Variants in COMMD2 observed in about 807,000 individuals in gnomAD.
COMMD2 encodes the protein COMM domain containing 2.
In COMMD2, 25 loss-of-function variants were observed where a neutral mutation model predicts 22.5. The observed-to-expected ratio is 1.11, with a 90% CI of 0.81 to 1.55. The LOEUF is 1.55. Ranked by LOEUF, COMMD2 falls within the 40% of genes most tolerant of loss-of-function variation. The pLI is 0.00. For synonymous variants in COMMD2, 98 were observed against 91.2 expected (o/e 1.07, Z -0.42); for missense variants, 223 against 232.9 (o/e 0.96, Z 0.28).
intron 4 of COMMD2, among the ~76,000 whole-genome samples, chr3:149,742,879 C>T (rs7644622): frequency 0.029 from 4,335 of 150,478 alleles, 176 homozygotes; most frequent in African/African-American, 0.091. Context: ...GGCAGGAAAA[C>T]TGCTTGAACC....
At chr3:149,750,590 G>GTTAA in intron 4 of COMMD2, 88 bp downstream of exon 4, 1 of 908,082 alleles carries the variant, frequency 1.1e-6, no homozygotes, top group Non-Finnish European at 1.7e-6. Flanking sequence ...CCGCATCTTA[G>GTTAA]TTAAGGTGGT....
intron 4 of COMMD2, among the ~76,000 whole-genome samples, chr3:149,747,004 A>C (rs1716390058): frequency 6.6e-6 from 1 of 152,108 alleles, no homozygotes; most frequent in Non-Finnish European, 1.5e-5. Context: ...TGCTCCTATG[A>C]CTCAATTATC....
intron 4 of COMMD2, among the ~76,000 whole-genome samples, chr3:149,748,392 T>C (rs1271746144): frequency 1.3e-5 from 2 of 152,180 alleles, no homozygotes; most frequent in African/African-American, 4.8e-5. Flanking sequence ...AAAGAGAATA[T>C]ATAAGACATG....
intron 4 of COMMD2, among the ~76,000 whole-genome samples, chr3:149,745,472 G>A (rs1005671853): frequency 6.6e-6 from 1 of 152,076 alleles, no homozygotes; most frequent in Non-Finnish European, 1.5e-5. Flanking sequence ...CATATCCTGC[G>A]TTCATGCCTA....
intron 4 of COMMD2, among the ~76,000 whole-genome samples, chr3:149,745,336 C>T (rs1248733027): frequency 6.6e-6 from 1 of 152,184 alleles, no homozygotes; most frequent in Non-Finnish European, 1.5e-5. Flanking sequence ...ACTTAACTCC[C>T]CCTGCCACCC....
intron 4 of COMMD2, among the ~76,000 whole-genome samples, chr3:149,745,740 TTCTC>T (rs1256578492): frequency 4.6e-5 from 7 of 152,216 alleles, no homozygotes; most frequent in East Asian, 1.9e-4. Context: ...CAATGGAATA[TTCTC>T]TCTCTATGCC....
At chr3:149,744,657 A>G (rs1053276025) in intron 4 of COMMD2, among the ~76,000 whole-genome samples, 1 of 152,244 alleles carries the variant, frequency 6.6e-6, no homozygotes, top group Admixed American at 6.5e-5. Flanking sequence ...GAAAGGCGCC[A>G]TATGTAGTTA....
At position 149,750,683 on chromosome 3, in the gene COMMD2, C is replaced by A; in HGVS notation, c.397G>T (p.Val133Leu). Residue 133 changes from valine to leucine, a missense_variant, in exon 4 of 5, where the codon GTA (valine) becomes TTA (leucine). Val to Leu is a conservative substitution (Grantham distance 32). Transcript: ENST00000473414. ...SYHNLEWRLD[V>L]QLASRSLRQQ... ...TAATTTTAAAAATGCTATACCTGTA[C>A]ATCTAGTCGCCATTCAAGGTTATGA... 6.4e-7 allele frequency: 1 copy of A among 1,566,496 alleles called. No homozygotes were observed. Among genetic ancestry groups the A allele is most frequent in the Non-Finnish European group, 8.7e-7 (1 of 1,155,404 alleles).
At chr3:149,748,411 C>T (rs1716435441) in intron 4 of COMMD2, among the ~76,000 whole-genome samples, 1 of 152,152 alleles carries the variant, frequency 6.6e-6, no homozygotes, top group African/African-American at 2.4e-5. Flanking sequence ...TGCATGGTCC[C>T]TGCTATCCCA....
In COMMD2 at chr3:149,752,239, G is replaced by A. The variant is rs771368903; in HGVS notation, c.116C>T (p.Ala39Val). ...GGCGCCTTCGTAGATTTTTGGGTTT[G>A]CGCCGCGTCTCAGGAATTCCACAGC... ...RIAVEFLRRG[A>V]NPKIYEGAAR... Residue 39 changes from alanine (A) to valine (V), a missense_variant, in exon 2 of 5, where the codon GCA becomes GTA. Coordinates refer to ENST00000473414, the MANE Select transcript of COMMD2 (RefSeq NM_016094.4). 1 of 1,613,996 alleles carries A rather than the reference G, an allele frequency of 6.2e-7. No individual in the cohort carries two copies. Among genetic ancestry groups the A allele is most frequent in the East Asian group, 2.2e-5 (1 of 44,854 alleles).
At chr3:149,742,842 T>A (rs1716270777) in intron 4 of COMMD2, among the ~76,000 whole-genome samples, 1 of 151,866 alleles carries the variant, frequency 6.6e-6, no homozygotes, top group African/African-American at 2.4e-5. Flanking sequence ...GGCACGCGCC[T>A]GTAGTCCCAG....
chr3:149,750,638 T>C (rs767894828), intron 4 of COMMD2, 40 bp downstream of exon 4: 24 of 1,373,058 alleles, frequency 1.7e-5, no homozygotes, highest in Middle Eastern at 1.9e-4. Context: ...CTAAAATAAT[T>C]CTTATATTCT....
chr3:149,751,559 A>G, intron 2 of COMMD2, 74 bp from the exon 3 acceptor site: 2 of 1,262,078 alleles, frequency 1.6e-6, no homozygotes, highest in Non-Finnish European at 2.2e-6. Context: ...TGTATTTAAA[A>G]ATAAACACTA....
intron 4 of COMMD2, chr3:149,750,428 C>A (rs1318697074): frequency 5.7e-6 from 3 of 522,240 alleles, no homozygotes; most frequent in South Asian, 5.0e-5. Flanking sequence ...AGGCACCAAC[C>A]TAAAAAATCT....
intron 2 of COMMD2, chr3:149,751,871 C>T: frequency 3.6e-6 from 1 of 276,168 alleles, no homozygotes; most frequent in Non-Finnish European, 6.7e-6. Context: ...ATCTGAACAA[C>T]TAATAATGAT....
intron 4 of COMMD2, among the ~76,000 whole-genome samples, chr3:149,745,535 T>C (rs1386458813): frequency 6.6e-6 from 1 of 152,238 alleles, no homozygotes; most frequent in African/African-American, 2.4e-5. Context: ...TTAAATTTTA[T>C]TTTTTGGTCT....
Position 149,746,656 on chromosome 3 carries a change from G to A in COMMD2, c.402+4022C>T, listed in dbSNP as rs189524649. ...AAATTAGCCAGGTGTGCTGGCACAC[G>A]CCTGTAATCCCAGCTACTCAGGAGG... On this transcript the variant is annotated intron_variant, in intron 4 of 4. Transcript: ENST00000473414. Among the ~76,000 whole-genome samples the A allele has an allele frequency of 4.4e-3, 665 of 150,908 alleles. 2 individuals are homozygous for A. The highest frequency in any genetic ancestry group is 7.9e-3 in the Non-Finnish European group (533 of 67,830).
Position 149,739,734 on chromosome 3 carries a change from A to G in COMMD2, c.*1787T>C, listed in dbSNP as rs1716159045. 1 of 152,216 alleles carries G rather than the reference A, an allele frequency of 6.6e-6. No individual in the cohort carries two copies. The highest frequency in any genetic ancestry group is 2.4e-5 in the African/African-American group (1 of 41,444). The allele number at this position is 152,216 out of a possible 1,614,324, so 9.4% of individuals were successfully genotyped here. A position where few individuals can be genotyped will look rare whatever the true frequency, so the allele number is the denominator to read the frequency against. On this transcript the variant is annotated 3_prime_UTR_variant, in exon 5 of 5. Transcript: ENST00000473414. ...GACATATGCTACTATTTCACGTAAT[A>G]AAGTTTCTTTTTGTTTGTGAGGTTG...
In COMMD2 at chr3:149,739,250, C is replaced by T. The variant is rs531776610; in HGVS notation, c.*2271G>A. On this transcript the variant is annotated 3_prime_UTR_variant, in exon 5 of 5. Coordinates refer to ENST00000473414, the MANE Select transcript of COMMD2 (RefSeq NM_016094.4). ...GAAAATTATGTTCATATACAAGCTA[C>T]AACAAATATCAAATGTTATATAAAA... 6.6e-6 allele frequency: 1 copy of T among 152,188 alleles called. No individual in the cohort carries two copies. The highest frequency in any genetic ancestry group is 1.9e-4 in the East Asian group (1 of 5,186). 9.4% of individuals were successfully genotyped at this position (152,188 alleles called of 1,614,324 possible).
Sources: allele counts gnomAD v4.1 joint callset (sites outside exome capture counted in the v4.1 genomes callset), GRCh38; gene constraint gnomAD v4.1.1; transcripts MANE v1.5; gene names NCBI Gene and HGNC (gene_info 2026-07-23, HGNC 2026-07-21).